Variants in ALG10B observed in about 807,000 individuals in gnomAD.
ALG10B encodes ALG10 alpha-1,2-glucosyltransferase B, also known as dol-P-Glc:Glc(2)Man(9)GlcNAc(2)-PP-Dol alpha-1,2-glucosyltransferase B.
In ALG10B, 27 loss-of-function variants were observed where a neutral mutation model predicts 38.7. The ratio of observed to expected loss-of-function variants is 0.70; its 90% CI spans 0.51 to 0.96. The LOEUF (loss-of-function observed/expected upper bound fraction) is 0.96, where lower values mean the gene tolerates loss of function less well. ALG10B is among the 40% of genes least tolerant of loss of function. The pLI, the probability that ALG10B is intolerant of heterozygous loss-of-function variation, is 0.00. For synonymous variants in ALG10B, 177 were observed against 193.3 expected, an observed-to-expected ratio of 0.92 and a Z score of 0.70; for missense variants, 522 against 542.7, an observed-to-expected ratio of 0.96 and a Z score of 0.38.
chr12:38,320,463 A>AGGT lies in ALG10B; in HGVS notation c.674_675insTGG (p.Gly225dup), dbSNP rs747657163. On this transcript the variant is annotated inframe_insertion, in exon 3 of 3. Transcript: ENST00000308742. ...AGGAAGACAGACTTCCACCTATTAA[A>AGGT]GGACCATTTGCAGAATTCAGAAAAA... is the stretch of plus-strand genomic sequence containing the variant. 3 of 1,613,960 alleles carry AGGT rather than the reference A, an allele frequency of 1.9e-6. No individual in the cohort carries two copies. The African/African-American group carries it at 4.0e-5, about 22-fold the overall frequency.
chr12:38,319,175 T>TA (rs1349294579), intron 2 of ALG10B, among the ~76,000 whole-genome samples: 2 of 152,138 alleles, frequency 1.3e-5, no homozygotes, highest in African/African-American at 4.8e-5. Context: ...GGGAAACACT[T>TA]ACTGCTTTTC....
Position 38,325,463 on chromosome 12 carries a change from A to G in ALG10B, c.*4250A>G, listed in dbSNP as rs1474133973. 2.0e-5 allele frequency: 3 copies of G among 152,312 alleles called. No individual in the cohort carries two copies. The highest frequency in any genetic ancestry group is 1.5e-5 in the Non-Finnish European group (1 of 68,008). The allele number at this position is 152,312 out of a possible 1,614,324, so 9.4% of individuals were successfully genotyped here. On this transcript the variant is annotated 3_prime_UTR_variant, in exon 3 of 3. Coordinates refer to ENST00000308742, the MANE Select transcript of ALG10B (RefSeq NM_001013620.4). ...TACCATTTTTATTTATACCACCTAA[A>G]TAGTGGACTGTTATTTTGGACTCAC...
chr12:38,316,739 T>C, upstream of ALG10B: 4 of 1,289,846 alleles, frequency 3.1e-6, no homozygotes, highest in East Asian at 9.3e-5. Context: ...GTTTTCCGGA[T>C]CCGCGCTCTC....
chr12:38,324,773 C>G lies in ALG10B; in HGVS notation c.*3560C>G, dbSNP rs1261100269. The G allele has an allele frequency of 1.3e-5, 2 of 152,092 alleles. No individual in the cohort carries two copies. The highest frequency in any genetic ancestry group is 3.9e-4 in the East Asian group (2 of 5,188). The allele number at this position is 152,092 out of a possible 1,614,324, so 9.4% of individuals were successfully genotyped here. On this transcript the variant is annotated 3_prime_UTR_variant, in exon 3 of 3. Transcript: ENST00000308742. ...TTAGATCCTTGCTTTTAGAAACATT[C>G]TTAGTTATATTTGTGTTTTCAAAAG...
chr12:38,328,853 G>A lies in ALG10B; in HGVS notation c.*7640G>A, dbSNP rs989011161. On this transcript the variant is annotated 3_prime_UTR_variant, in exon 3 of 3. Transcript: ENST00000308742. ...GTGATGATATCTCATTTGAAAACTCGTGTAACATTGTATCAGCCACTGTTA... is the reference window on the plus strand; with the variant it reads ...GTGATGATATCTCATTTGAAAACTCATGTAACATTGTATCAGCCACTGTTA... 25 of 199,576 alleles carry A rather than the reference G, an allele frequency of 1.3e-4. No individual in the cohort carries two copies. The highest frequency in any genetic ancestry group is 2.0e-4 in the Non-Finnish European group (20 of 99,680). 12.4% of individuals were successfully genotyped at this position (199,576 alleles called of 1,614,324 possible). A position where few individuals can be genotyped will look rare whatever the true frequency, so the allele number is the denominator to read the frequency against.
rs1296946342 is a variant in ALG10B at position 38,320,519 on chromosome 12, C to T, written c.728C>T (p.Ser243Phe). ...CAGTTTCTTTTGGCTTATTCCATGT[C>T]CTTTAAAAACTTGAGTATGCTTTTC... ...ILQFLLAYSM[S>F]FKNLSMLFCL... Residue 243 changes from serine to phenylalanine, a missense_variant, in exon 3 of 3, where the codon TCC becomes TTC. Coordinates refer to ENST00000308742, the MANE Select transcript of ALG10B (RefSeq NM_001013620.4). 6.2e-7 allele frequency: 1 copy of T among 1,613,992 alleles called. No homozygotes were observed. The highest frequency in any genetic ancestry group is 2.2e-5 in the East Asian group (1 of 44,860).
chr12:38,323,789 C>T lies in ALG10B; in HGVS notation c.*2576C>T, dbSNP rs1014632512. On this transcript the variant is annotated 3_prime_UTR_variant, in exon 3 of 3. Transcript: ENST00000308742. Reference sequence around the variant, plus strand: ...AGAGAGGACACTCAAAGAAATTATACTTTTGTCATTAATTTACTATAGTGG... The same window carrying T: ...AGAGAGGACACTCAAAGAAATTATATTTTTGTCATTAATTTACTATAGTGG... 4 of 652,420 alleles carry T rather than the reference C, an allele frequency of 6.1e-6. No homozygotes were observed. Among genetic ancestry groups the T allele is most frequent in the South Asian group, 3.5e-5 (2 of 57,834 alleles). 40.4% of individuals were successfully genotyped at this position (652,420 alleles called of 1,614,324 possible). A position where few individuals can be genotyped will look rare whatever the true frequency, so the allele number is the denominator to read the frequency against.
Position 38,324,026 on chromosome 12 carries a change from CT to C in ALG10B, c.*2820del, listed in dbSNP as rs1183087465. Reference sequence around the variant, plus strand: ...CTTTGGAGGGATCACTGTTCTATATCTTTTTTTGTTTGTTTTTGTCTTTGAG... The same window carrying C: ...CTTTGGAGGGATCACTGTTCTATATCTTTTTTGTTTGTTTTTGTCTTTGAG... On this transcript the variant is annotated 3_prime_UTR_variant, in exon 3 of 3. Coordinates refer to ENST00000308742, the MANE Select transcript of ALG10B (RefSeq NM_001013620.4). The C allele has an allele frequency of 1.5e-6, 1 of 679,726 alleles. No homozygotes were observed. Among genetic ancestry groups the C allele is most frequent in the Non-Finnish European group, 2.7e-6 (1 of 377,126 alleles). 42.1% of individuals were successfully genotyped at this position (679,726 alleles called of 1,614,324 possible).
chr12:38,327,449 T>C lies in ALG10B; in HGVS notation c.*6236T>C, dbSNP rs1248353469. 6.6e-6 allele frequency: 1 copy of C among 152,202 alleles called. No individual in the cohort carries two copies. The highest frequency in any genetic ancestry group is 1.5e-5 in the Non-Finnish European group (1 of 68,036). 9.4% of individuals were successfully genotyped at this position (152,202 alleles called of 1,614,324 possible). On this transcript the variant is annotated 3_prime_UTR_variant, in exon 3 of 3. Coordinates refer to ENST00000308742, the MANE Select transcript of ALG10B (RefSeq NM_001013620.4). ...CATTATACTAGCTGATTTACAAATA[T>C]TGTCTCATTTGATGCTACATTTATA...
rs201105631 is a variant in ALG10B, at chr12:38,317,966, C to G, written c.172-295C>G. 8 of 413,980 alleles carry G rather than the reference C, an allele frequency of 1.9e-5. No individual in the cohort carries two copies. In the East Asian group the frequency reaches 4.1e-4, roughly 21 times the overall value. 25.6% of individuals were successfully genotyped at this position (413,980 alleles called of 1,614,324 possible). On this transcript the variant is annotated intron_variant, in intron 1 of 2. Transcript: ENST00000308742. ...GTTTCCATGCTTTTAAAAACTGGAG[C>G]ATTTGCAGTTTATTTATCAAAATAA...
In ALG10B at chr12:38,329,283, G is replaced by A. The variant is rs1945773295; in HGVS notation, c.*8070G>A. The A allele has an allele frequency of 2.9e-6, 1 of 340,090 alleles. No individual in the cohort carries two copies. Among genetic ancestry groups the A allele is most frequent in the Admixed American group, 6.2e-5 (1 of 16,182 alleles). 21.1% of individuals were successfully genotyped at this position (340,090 alleles called of 1,614,324 possible). A position where few individuals can be genotyped will look rare whatever the true frequency, so the allele number is the denominator to read the frequency against. On this transcript the variant is annotated 3_prime_UTR_variant, in exon 3 of 3. Transcript: ENST00000308742. ...ATATATGTTGTAATTATGAATTTAAGGAAGTAAAAAAATAACTCAGGGCTG... is the reference window on the plus strand; with the variant it reads ...ATATATGTTGTAATTATGAATTTAAAGAAGTAAAAAAATAACTCAGGGCTG...
chr12:38,317,095 A>T, intron 1 of ALG10B, 31 bp downstream of exon 1: 1 of 1,613,904 alleles, frequency 6.2e-7, no homozygotes, highest in Non-Finnish European at 8.5e-7. Flanking sequence ...CCACCCCAGG[A>T]GAGGCCTGAA....
At position 38,323,894 on chromosome 12, in the gene ALG10B, G is replaced by A. The variant is rs962467757; in HGVS notation, c.*2681G>A. ...TAACTTTTTGTCTGATAATATTAAT[G>A]CAAGGATTTTGTATTTAGGAATACT... On this transcript the variant is annotated 3_prime_UTR_variant, in exon 3 of 3. Coordinates refer to ENST00000308742, the MANE Select transcript of ALG10B (RefSeq NM_001013620.4). The A allele has an allele frequency of 2.9e-6, 2 of 701,654 alleles. No homozygotes were observed. The highest frequency in any genetic ancestry group is 3.5e-5 in the African/African-American group (2 of 57,196). The allele number at this position is 701,654 out of a possible 1,614,324, so 43.5% of individuals were successfully genotyped here.
Position 38,323,591 on chromosome 12 carries a change from G to C in ALG10B, c.*2378G>C. ...TGCTTCTCTGAGTTTTAAGTGATGA[G>C]TCTACATTTACAAATATAAAATTGT... is the stretch of plus-strand genomic sequence containing the variant. On this transcript the variant is annotated 3_prime_UTR_variant, in exon 3 of 3. Transcript: ENST00000308742. 6.8e-6 allele frequency: 2 copies of C among 295,316 alleles called. No individual in the cohort carries two copies. Among genetic ancestry groups the C allele is most frequent in the Non-Finnish European group, 1.3e-5 (2 of 157,736 alleles). 18.3% of individuals were successfully genotyped at this position (295,316 alleles called of 1,614,324 possible).
Position 38,320,722 on chromosome 12 carries a change from A to G in ALG10B, c.931A>G (p.Lys311Glu), listed in dbSNP as rs199925970. ...FSFPHLLSPSKIKTFLSLVWK... is the reference protein window; with the variant it reads ...FSFPHLLSPSEIKTFLSLVWK... ...TTTTCCTCATCTCCTGTCTCCTAGC[A>G]AAATTAAGACTTTTCTTTCCTTAGT... is the stretch of plus-strand genomic sequence containing the variant. The change falls in exon 3 of 3, where the codon AAA (lysine) becomes GAA (glutamate). Residue 311 changes from lysine (K) to glutamate (E), a missense_variant. Lys to Glu is a moderately conservative substitution (Grantham distance 56). Coordinates refer to ENST00000308742, the MANE Select transcript of ALG10B (RefSeq NM_001013620.4). 4.8e-5 allele frequency: 78 copies of G among 1,613,748 alleles called. No individual in the cohort carries two copies. The highest frequency in any genetic ancestry group is 6.4e-5 in the Non-Finnish European group (75 of 1,179,944).
At position 38,323,608 on chromosome 12, in the gene ALG10B, T is replaced by C; in HGVS notation, c.*2395T>C. ...AGTGATGAGTCTACATTTACAAATATAAAATTGTGTGCAGGTGAAAATTAC... is the reference window on the plus strand; with the variant it reads ...AGTGATGAGTCTACATTTACAAATACAAAATTGTGTGCAGGTGAAAATTAC... On this transcript the variant is annotated 3_prime_UTR_variant, in exon 3 of 3. Coordinates refer to ENST00000308742, the MANE Select transcript of ALG10B (RefSeq NM_001013620.4). 6.0e-6 allele frequency: 2 copies of C among 330,826 alleles called. No individual in the cohort carries two copies. Among genetic ancestry groups the C allele is most frequent in the Non-Finnish European group, 1.1e-5 (2 of 179,918 alleles). The allele number at this position is 330,826 out of a possible 1,614,324, so 20.5% of individuals were successfully genotyped here.
At position 38,326,334 on chromosome 12, in the gene ALG10B, C is replaced by T. The variant is rs1688094684; in HGVS notation, c.*5121C>T. On this transcript the variant is annotated 3_prime_UTR_variant, in exon 3 of 3. Coordinates refer to ENST00000308742, the MANE Select transcript of ALG10B (RefSeq NM_001013620.4). ...TGGAGACCCCTGCTAGCATTTAATG[C>T]TTATACATGTATTTACTTGTAAACA... is the stretch of plus-strand genomic sequence containing the variant. The T allele has an allele frequency of 6.6e-6, 1 of 151,878 alleles. No homozygotes were observed. The highest frequency in any genetic ancestry group is 2.4e-5 in the African/African-American group (1 of 41,374). 9.4% of individuals were successfully genotyped at this position (151,878 alleles called of 1,614,324 possible).
At chr12:38,319,173 C>T (rs375916761) in intron 2 of ALG10B, among the ~76,000 whole-genome samples, 2 of 152,110 alleles carry the variant, frequency 1.3e-5, no homozygotes, top group Non-Finnish European at 2.9e-5. Context: ...CAGGGAAACA[C>T]TTACTGCTTT....
At chr12:38,318,110 C>T (rs1565603332) in intron 1 of ALG10B, 151 bp from the exon 2 acceptor site, 2 of 1,024,090 alleles carry the variant, frequency 2.0e-6, no homozygotes, top group African/African-American at 3.2e-5. Context: ...AAAAACTAAT[C>T]CTGTTCTGCC....
Sources: gnomAD v4.1 joint callset for allele counts (sites outside exome capture counted in the v4.1 genomes callset) on GRCh38, gnomAD v4.1.1 for gene constraint, MANE v1.5 for transcripts, NCBI Gene and HGNC (gene_info 2026-07-23, HGNC 2026-07-21) for gene names.